FRMD4B: variants seen among roughly 807,000 people sequenced by gnomAD.
FRMD4B encodes the protein FERM domain containing 4B, also known as FERM domain-containing protein 4B.
FRMD4B carries 74 observed loss-of-function variants against 141.5 expected under a neutral mutation model. The ratio of observed to expected loss-of-function variants is 0.52; its 90% CI spans 0.43 to 0.63. FRMD4B has a LOEUF of 0.63. Among genes scored for constraint, FRMD4B ranks in the 30% least tolerant of loss-of-function variants. The probability of loss-of-function intolerance (pLI) is 0.00; values close to 1 mark genes in which losing one functional copy is unlikely to be tolerated. For synonymous variants in FRMD4B, 506 were observed against 467.9 expected, an observed-to-expected ratio of 1.08 and a Z score of -1.05; for missense variants, 1,366 against 1,253.4, an observed-to-expected ratio of 1.09 and a Z score of -1.36.
At chr3:69,179,086 A>G (rs1485975663) in intron 21 of FRMD4B, among the ~76,000 whole-genome samples, 1 of 152,074 alleles carries the variant, frequency 6.6e-6, no homozygotes, top group Admixed American at 6.6e-5. Context: ...GGAGACAGAA[A>G]TGAGGGGAAT....
chr3:69,505,673 A>G (rs1009267573), intron 1 of FRMD4B, among the ~76,000 whole-genome samples: 1 of 152,224 alleles, frequency 6.6e-6, no homozygotes, highest in Non-Finnish European at 1.5e-5. Flanking sequence ...CATTAGGCTC[A>G]TAATCTTATT....
chr3:69,392,335 C>T (rs368448656), intron 2 of FRMD4B, among the ~76,000 whole-genome samples: 2 of 152,140 alleles, frequency 1.3e-5, no homozygotes, highest in South Asian at 4.1e-4. Context: ...TAAGGGATGC[C>T]TCCCTGAGCA....
At chr3:69,518,679 C>T (rs892498962) in intron 1 of FRMD4B, among the ~76,000 whole-genome samples, 1 of 152,142 alleles carries the variant, frequency 6.6e-6, no homozygotes, top group East Asian at 1.9e-4. Flanking sequence ...CCAAGCTAGA[C>T]CAACCCAACA....
At chr3:69,512,656 G>C (rs1360906842) in intron 1 of FRMD4B, among the ~76,000 whole-genome samples, 4 of 152,088 alleles carry the variant, frequency 2.6e-5, no homozygotes, top group Non-Finnish European at 5.9e-5. Flanking sequence ...CGAGAATAGG[G>C]GAAGGGAGAA....
chr3:69,343,101 A>C (rs1702793362), intron 1 of FRMD4B, among the ~76,000 whole-genome samples: 1 of 52,048 alleles, frequency 1.9e-5, no homozygotes, highest in Non-Finnish European at 4.5e-5. Flanking sequence ...CTGCAGAGGC[A>C]CACCACCACA....
At position 69,229,219 on chromosome 3, in the gene FRMD4B, T is replaced by A. The variant is rs577963038; in HGVS notation, c.582-4529A>T. ...TTTTTAATTTTTCATAGATATGGGG[T>A]CTCACTATGTTGACCTGGCTGATCT... On this transcript the variant is annotated intron_variant, in intron 7 of 22. Coordinates refer to ENST00000398540, the MANE Select transcript of FRMD4B (RefSeq NM_015123.3). Among the ~76,000 whole-genome samples the A allele has an allele frequency of 5.3e-5, 8 of 151,938 alleles. No individual in the cohort carries two copies. In the South Asian group the frequency reaches 1.7e-3, roughly 32 times the overall value.
intron 1 of FRMD4B, among the ~76,000 whole-genome samples, chr3:69,513,861 T>C (rs1706728938): frequency 6.6e-6 from 1 of 152,244 alleles, no homozygotes; most frequent in African/African-American, 2.4e-5. Context: ...AACACCCTTT[T>C]ATGATAAAAA....
intron 1 of FRMD4B, among the ~76,000 whole-genome samples, chr3:69,436,449 T>G (rs1705261848): frequency 6.6e-6 from 1 of 152,192 alleles, no homozygotes. Context: ...TAAGAAGTGT[T>G]GGTGAGAATG....
At chr3:69,335,050 G>T (rs1702496929) in intron 1 of FRMD4B, among the ~76,000 whole-genome samples, 1 of 152,210 alleles carries the variant, frequency 6.6e-6, no homozygotes, top group Non-Finnish European at 1.5e-5. Flanking sequence ...TTGGGAGGCT[G>T]ATGCAGAAGG....
intron 17 of FRMD4B, among the ~76,000 whole-genome samples, chr3:69,192,492 G>A (rs57765607): frequency 0.05 from 7,537 of 152,200 alleles, 564 homozygotes; most frequent in East Asian, 0.28. Flanking sequence ...TCATATTTCA[G>A]TCACCAGGCT....
intron 12 of FRMD4B, chr3:69,198,373 G>A (rs1575601252): frequency 4.1e-6 from 1 of 241,912 alleles, no homozygotes; most frequent in East Asian, 8.9e-5. Flanking sequence ...AAAACCACAA[G>A]AAGGTACCAC....
intron 1 of FRMD4B, among the ~76,000 whole-genome samples, chr3:69,510,273 A>T (rs1706668297): frequency 6.6e-6 from 1 of 152,170 alleles, no homozygotes; most frequent in Non-Finnish European, 1.5e-5. Flanking sequence ...AAAATATTGT[A>T]ACATAAAACA....
chr3:69,281,836 A>ATATATAT (rs372129748), intron 5 of FRMD4B, among the ~76,000 whole-genome samples: 14 of 108,748 alleles, frequency 1.3e-4, no homozygotes, highest in South Asian at 6.1e-4. Flanking sequence ...AAAAAAAAAA[A>ATATATAT]AAATATATAT....
chr3:69,432,203 C>A (rs905438537), intron 2 of FRMD4B, among the ~76,000 whole-genome samples: 4 of 152,214 alleles, frequency 2.6e-5, no homozygotes, highest in Non-Finnish European at 5.9e-5. Context: ...CAATTGTTTG[C>A]TTTGCTCAGT....
intron 5 of FRMD4B, among the ~76,000 whole-genome samples, chr3:69,256,580 A>G (rs1478988080): frequency 6.6e-6 from 1 of 152,184 alleles, no homozygotes; most frequent in Non-Finnish European, 1.5e-5. Context: ...TTGGCCTCCC[A>G]AAGTGCTGGG....
intron 1 of FRMD4B, among the ~76,000 whole-genome samples, chr3:69,374,783 G>C (rs1441693356): frequency 6.6e-6 from 1 of 152,206 alleles, no homozygotes; most frequent in Non-Finnish European, 1.5e-5. Flanking sequence ...TGTGCCCACA[G>C]TGTGTCTACA....
chr3:69,391,723 A>G (rs1704388099), intron 2 of FRMD4B, among the ~76,000 whole-genome samples: 2 of 152,276 alleles, frequency 1.3e-5, no homozygotes, highest in South Asian at 4.1e-4. Flanking sequence ...ACTTTTCTCT[A>G]TTAGACTGTC....
chr3:69,387,269 G>A (rs1704279838), upstream of FRMD4B, among the ~76,000 whole-genome samples: 1 of 152,046 alleles, frequency 6.6e-6, no homozygotes, highest in Non-Finnish European at 1.5e-5. Context: ...GGGACTACAG[G>A]TGCTAAGTTT....
intron 1 of FRMD4B, chr3:69,376,721 T>C (rs1382192300): frequency 6.6e-6 from 1 of 152,008 alleles, no homozygotes; most frequent in East Asian, 1.9e-4. Flanking sequence ...CTATTACATA[T>C]GGGTGTTAAT....
Sources: gnomAD v4.1 joint callset for allele counts (sites outside exome capture counted in the v4.1 genomes callset) on GRCh38, gnomAD v4.1.1 for gene constraint, MANE v1.5 for transcripts, NCBI Gene and HGNC (gene_info 2026-07-23, HGNC 2026-07-21) for gene names.